Variants in NRG1 observed in about 807,000 individuals in gnomAD.
NRG1 encodes the protein neuregulin 1, also known as pro-neuregulin-1, membrane-bound isoform.
NRG1 carries 18 observed loss-of-function variants against 63.8 expected under a neutral mutation model. That is an observed-to-expected ratio of 0.28 (90% CI 0.19 to 0.42). NRG1 has a LOEUF of 0.42. Ranked by LOEUF, NRG1 falls within the 10% of genes least tolerant of loss-of-function variation. NRG1 has a pLI of 1.00. For missense variants in NRG1, 762 were observed against 814.7 expected, an observed-to-expected ratio of 0.94 and a Z score of 0.79; for synonymous variants, 302 against 301.3, an observed-to-expected ratio of 1.00 and a Z score of -0.02.
chr8:32,610,341 A>T (rs1846163092), intron 3 of NRG1, among the ~76,000 whole-genome samples: 1 of 152,100 alleles, frequency 6.6e-6, no homozygotes, highest in Non-Finnish European at 1.5e-5. Flanking sequence ...TCTAAGAGAG[A>T]TGGGGAGGTT....
chr8:32,126,986 G>A (rs550290503), intron 1 of NRG1, among the ~76,000 whole-genome samples: 1 of 151,900 alleles, frequency 6.6e-6, no homozygotes, highest in East Asian at 2.0e-4. Context: ...AAGAAGAAAT[G>A]CCCAGTGGAG....
intron 5 of NRG1, among the ~76,000 whole-genome samples, chr8:32,666,490 G>A (rs1013494178): frequency 6.6e-6 from 1 of 151,896 alleles, no homozygotes; most frequent in Non-Finnish European, 1.5e-5. Context: ...TTTTTCAAGA[G>A]GGGGAAAAAA....
chr8:32,437,121 A>G (rs1818890054), intron 1 of NRG1, among the ~76,000 whole-genome samples: 1 of 152,008 alleles, frequency 6.6e-6, no homozygotes, highest in South Asian at 2.1e-4. Context: ...CCACTTCCTA[A>G]ACTCACTTAG....
At chr8:31,833,144 G>C (rs1825332478) in intron 1 of NRG1, among the ~76,000 whole-genome samples, 1 of 152,178 alleles carries the variant, frequency 6.6e-6, no homozygotes. Flanking sequence ...GTTAGAAAAG[G>C]CACATAGAGA....
intron 1 of NRG1, among the ~76,000 whole-genome samples, chr8:32,541,395 T>C (rs1056114131): frequency 3.3e-5 from 5 of 152,100 alleles, no homozygotes; most frequent in African/African-American, 1.2e-4. Flanking sequence ...GATGGGTCCG[T>C]GTTTCACTCC....
intron 1 of NRG1, among the ~76,000 whole-genome samples, chr8:32,191,452 T>A (rs1395328364): frequency 6.6e-6 from 1 of 152,180 alleles, no homozygotes; most frequent in Non-Finnish European, 1.5e-5. Context: ...CACCCTACAA[T>A]GAGTTTCTTA....
rs189107401 is a variant in NRG1 at position 31,678,678 on chromosome 8, T to C, written c.37+39247T>C. On this transcript the variant is annotated intron_variant, in intron 1 of 10. Transcript: ENST00000519301. The stretch of plus-strand genomic sequence containing the variant: ...CTTCCTATATTCTATATTGAAATGA[T>C]TATTTTAATATTTAATGTTATAGCA... 3.2e-3 allele frequency among the ~76,000 whole-genome samples: 473 copies of C among 149,926 alleles called. 2 individuals carry two copies. Among genetic ancestry groups the C allele is most frequent in the South Asian group, 0.021 (101 of 4,800 alleles).
At chr8:31,873,254 A>G (rs970665724) in intron 1 of NRG1, among the ~76,000 whole-genome samples, 8 of 152,092 alleles carry the variant, frequency 5.3e-5, no homozygotes, top group African/African-American at 1.9e-4. Flanking sequence ...CTAGAGCAAT[A>G]AAATCAGTAT....
intron 1 of NRG1, among the ~76,000 whole-genome samples, chr8:32,008,841 C>T (rs16878661): frequency 0.019 from 2,958 of 152,144 alleles, 106 homozygotes; most frequent in African/African-American, 0.067. Context: ...TCACTTGTGC[C>T]TGCTAATCTT....
At chr8:32,510,125 A>AATAATCATCATCATC (rs1554566714) in intron 1 of NRG1, among the ~76,000 whole-genome samples, 1 of 147,994 alleles carries the variant, frequency 6.8e-6, no homozygotes. Flanking sequence ...TAATAATAAT[A>AATAATCATCATCATC]ATCATAAAAG....
intron 1 of NRG1, among the ~76,000 whole-genome samples, chr8:32,132,510 A>G (rs1019832447): frequency 6.6e-6 from 1 of 152,064 alleles, no homozygotes; most frequent in Non-Finnish European, 1.5e-5. Context: ...TGACAGATCT[A>G]CTTGGCCCTC....
At chr8:31,954,996 T>C (rs1273483636) in intron 1 of NRG1, among the ~76,000 whole-genome samples, 6 of 151,900 alleles carry the variant, frequency 3.9e-5, no homozygotes, top group African/African-American at 7.2e-5. Flanking sequence ...ATAAGAGAAA[T>C]AGAGGGAGTG....
In NRG1 at chr8:32,737,834, G is replaced by A. The variant is rs548249662; in HGVS notation, c.633-4841G>A. Among the ~76,000 whole-genome samples, 14 of 151,674 alleles carry A rather than the reference G, an allele frequency of 9.2e-5. No individual in the cohort carries two copies. In the South Asian group the frequency reaches 2.5e-3, roughly 27 times the overall value. Reference sequence around the variant, plus strand: ...TGGGATTACAGGCGCCCACCACCACGCCCAACCAGTTTTTTTATTTTTGAT... The same window carrying A: ...TGGGATTACAGGCGCCCACCACCACACCCAACCAGTTTTTTTATTTTTGAT... On this transcript the variant is annotated intron_variant, in intron 6 of 11. Coordinates refer to ENST00000356819, the Ensembl canonical transcript of NRG1.
chr8:31,706,076 T>C (rs1000565240), intron 1 of NRG1, among the ~76,000 whole-genome samples: 5 of 152,204 alleles, frequency 3.3e-5, no homozygotes, highest in Admixed American at 3.3e-4. Context: ...TGTTTTCCAT[T>C]TGTAATATAT....
chr8:32,132,379 C>T (rs1834942919), intron 1 of NRG1, among the ~76,000 whole-genome samples: 1 of 152,024 alleles, frequency 6.6e-6, no homozygotes, highest in African/African-American at 2.4e-5. Flanking sequence ...CTACACCATA[C>T]TAATTTCCAA....
intron 1 of NRG1, among the ~76,000 whole-genome samples, chr8:32,150,140 C>G (rs1021257591): frequency 2.0e-5 from 3 of 152,104 alleles, no homozygotes; most frequent in Non-Finnish European, 4.4e-5. Flanking sequence ...GCAACAAACA[C>G]TACGTAGCAT....
intron 1 of NRG1, among the ~76,000 whole-genome samples, chr8:32,273,730 C>A (rs1319831575): frequency 6.6e-6 from 1 of 152,052 alleles, no homozygotes; most frequent in East Asian, 1.9e-4. Flanking sequence ...GAGAGCATTT[C>A]TTTTTAAGTA....
intron 1 of NRG1, among the ~76,000 whole-genome samples, chr8:31,873,592 G>A (rs987622606): frequency 6.6e-6 from 1 of 152,004 alleles, no homozygotes; most frequent in African/African-American, 2.4e-5. Flanking sequence ...AACAAGGAGG[G>A]GCATGGGCTT....
intron 1 of NRG1, among the ~76,000 whole-genome samples, chr8:32,228,105 A>G (rs1414936138): frequency 6.6e-6 from 1 of 152,140 alleles, no homozygotes; most frequent in Non-Finnish European, 1.5e-5. Flanking sequence ...CAGTGAATTT[A>G]TCCTTGGATT....
Sources: allele counts gnomAD v4.1 joint callset (sites outside exome capture counted in the v4.1 genomes callset), GRCh38; gene constraint gnomAD v4.1.1; transcripts MANE v1.5; gene names NCBI Gene and HGNC (gene_info 2026-07-23, HGNC 2026-07-21).